Variants in GNPTG observed in about 807,000 individuals in gnomAD.
GNPTG encodes the protein N-acetylglucosamine-1-phosphate transferase subunit gamma.
GNPTG carries 46 observed loss-of-function variants against 43.8 expected under a neutral mutation model. The observed-to-expected ratio is 1.05, with a 90% confidence interval of 0.83 to 1.34. The LOEUF (loss-of-function observed/expected upper bound fraction) is 1.34. Among genes scored for constraint, GNPTG ranks in the 40% most tolerant of loss-of-function variants. The pLI is 0.00. For synonymous variants in GNPTG, 250 were observed against 172.8 expected (o/e 1.45, Z -3.50); for missense variants, 549 against 411.3 (o/e 1.33, Z -2.90).
intron 3 of GNPTG, among the ~76,000 whole-genome samples, chr16:1,355,172 G>C (rs2034754684): frequency 6.6e-6 from 1 of 152,156 alleles, no homozygotes; most frequent in Non-Finnish European, 1.5e-5. Flanking sequence ...TGTGGGGTCG[G>C]GTGTGGATCG....
rs774003749 is a variant in GNPTG, at chr16:1,363,023, C to T, written c.850C>T (p.His284Tyr). The T allele has an allele frequency of 7.4e-6, 12 of 1,613,958 alleles. 1 individual carries two copies. The South Asian group carries it at 1.2e-4, about 16-fold the overall frequency. The change falls in exon 11 of 11, where the codon CAC (histidine) becomes TAC (tyrosine). Residue 284 changes from histidine to tyrosine, a missense_variant. His to Tyr is a moderately conservative substitution (Grantham distance 83). Coordinates refer to ENST00000204679, the MANE Select transcript of GNPTG (RefSeq NM_032520.5). ...AACTTCCAACTTGGAGCACTTGGGC[C>T]ACGAGACGCCCAGAGCCAAGTCTCC... ...TETSNLEHLG[H>Y]ETPRAKSPEQ... is the part of the protein sequence containing the mutation.
Position 1,356,739 on chromosome 16 carries a change from G to A in GNPTG, c.178+4433G>A, listed in dbSNP as rs1264229723. ...AGACGGATGGCCCTGCAGGTGCAGA[G>A]CTAAGCCCGGCGCCCACGCCCCTCC... On this transcript the variant is annotated intron_variant, in intron 3 of 10. Transcript: ENST00000204679. 2.0e-5 allele frequency among the ~76,000 whole-genome samples: 3 copies of A among 152,222 alleles called. 1 individual carries two copies. The highest frequency in any genetic ancestry group is 7.2e-5 in the African/African-American group (3 of 41,460).
At chr16:1,356,205 G>A (rs2034771948) in intron 3 of GNPTG, among the ~76,000 whole-genome samples, 1 of 152,192 alleles carries the variant, frequency 6.6e-6, no homozygotes, top group South Asian at 2.1e-4. Context: ...GCCTTGAGCT[G>A]TGGCCTCGGG....
rs773159644 is a variant in GNPTG, at chr16:1,362,460, A to G, written c.535A>G (p.Thr179Ala). ...CHPHALLVYP[T>A]LPEALQRQWD... Reference sequence around the variant, plus strand: ...TTCTCTTGGGTCCTCAGTGTACCCAACCCTGCCAGAGGCCCTGCAGCGGCA... The same window carrying G: ...TTCTCTTGGGTCCTCAGTGTACCCAGCCCTGCCAGAGGCCCTGCAGCGGCA... The change falls in exon 8 of 11, where the codon ACC (threonine) becomes GCC (alanine). Residue 179 changes from threonine to alanine, a missense_variant. Physicochemically the swap from Thr to Ala is moderately conservative, Grantham distance 58 (BLOSUM62 0). Transcript: ENST00000204679. 2 of 1,613,792 alleles carry G rather than the reference A, an allele frequency of 1.2e-6. No individual in the cohort carries two copies. The highest frequency in any genetic ancestry group is 8.5e-7 in the Non-Finnish European group (1 of 1,179,940).
At chr16:1,356,150 C>T (rs2034770498) in intron 3 of GNPTG, among the ~76,000 whole-genome samples, 1 of 152,096 alleles carries the variant, frequency 6.6e-6, no homozygotes, top group African/African-American at 2.4e-5. Flanking sequence ...CGAAGCCTGA[C>T]CGGGGCAGAG....
At position 1,351,946 on chromosome 16, in the gene GNPTG, G is replaced by C. The variant is rs1333616454; in HGVS notation, c.-20G>C. The C allele has an allele frequency of 2.3e-6, 3 of 1,279,102 alleles. No homozygotes were observed. Among genetic ancestry groups the C allele is most frequent in the Non-Finnish European group, 2.9e-6 (3 of 1,019,572 alleles). The allele number at this position is 1,279,102 out of a possible 1,614,324, so 79.2% of individuals were successfully genotyped here. ...CGTGACCGTCACTTCACGTGACCGC[G>C]CGGCGGCCGCTGCGGCGCGATGGCG... On this transcript the variant is annotated 5_prime_UTR_variant, in exon 1 of 11. Transcript: ENST00000204679.
intron 3 of GNPTG, among the ~76,000 whole-genome samples, chr16:1,359,891 C>G (rs1036402832): frequency 6.6e-6 from 1 of 151,856 alleles, no homozygotes; most frequent in African/African-American, 2.4e-5. Context: ...AGGTGGATCA[C>G]CTGAGGTCAG....
chr16:1,354,025 A>G (rs903814176), intron 3 of GNPTG, among the ~76,000 whole-genome samples: 2 of 152,168 alleles, frequency 1.3e-5, no homozygotes, highest in South Asian at 2.1e-4. Context: ...CTTTGACTCC[A>G]AACACATCTT....
At chr16:1,356,511 G>A (rs991315722) in intron 3 of GNPTG, among the ~76,000 whole-genome samples, 6 of 152,318 alleles carry the variant, frequency 3.9e-5, no homozygotes, top group Admixed American at 2.0e-4. Context: ...GGGAGGGGCC[G>A]TGGCCGGGGT....
chr16:1,362,002 C>T, intron 5 of GNPTG, 36 bp from the exon 6 acceptor site: 4 of 1,612,852 alleles, frequency 2.5e-6, no homozygotes, highest in Admixed American at 1.7e-5. Flanking sequence ...CGCAGCTCCC[C>T]ACCCGGCCTC....
chr16:1,360,257 GCT>G (rs1190088314), intron 3 of GNPTG, among the ~76,000 whole-genome samples: 1 of 152,176 alleles, frequency 6.6e-6, no homozygotes, highest in Admixed American at 6.5e-5. Context: ...AGCCACTTCA[GCT>G]CTCTTTTGCC....
intron 3 of GNPTG, among the ~76,000 whole-genome samples, chr16:1,352,865 G>A (rs1200443704): frequency 1.3e-5 from 2 of 151,824 alleles, no homozygotes; most frequent in Admixed American, 6.6e-5. Flanking sequence ...CAGGTGAGCG[G>A]TTTCCCAGTG....
At position 1,361,675 on chromosome 16, in the gene GNPTG, G is replaced by A. The variant is rs549870714; in HGVS notation, c.179-68G>A. On this transcript the variant is annotated intron_variant, in intron 3 of 10. Coordinates refer to ENST00000204679, the MANE Select transcript of GNPTG (RefSeq NM_032520.5). ...AAAGAAAACTGGTCCTTTGAAAACAGACTCTGCCAGTCTTTGCAGACAGGT... is the reference window on the plus strand; with the variant it reads ...AAAGAAAACTGGTCCTTTGAAAACAAACTCTGCCAGTCTTTGCAGACAGGT... 2.0e-4 allele frequency: 304 copies of A among 1,552,206 alleles called. 1 individual carries two copies. The highest frequency in any genetic ancestry group is 3.0e-5 in the Non-Finnish European group (34 of 1,125,168).
chr16:1,361,594 A>G (rs1386310809), intron 3 of GNPTG, 149 bp from the exon 4 acceptor site: 25 of 784,216 alleles, frequency 3.2e-5, no homozygotes, highest in Non-Finnish European at 4.7e-5. Flanking sequence ...AAGTGAGCCA[A>G]GATCATGCCA....
At position 1,363,400 on chromosome 16, in the gene GNPTG, C is replaced by T; in HGVS notation, c.*309C>T. On this transcript the variant is annotated 3_prime_UTR_variant, in exon 11 of 11. Coordinates refer to ENST00000204679, the MANE Select transcript of GNPTG (RefSeq NM_032520.5). ...TTCAAATAACATTCTCATGTAAATA[C>T]TCAAACATACAGATTGAGGCTTCCA... The T allele has an allele frequency of 2.6e-6, 1 of 391,218 alleles. No homozygotes were observed. Among genetic ancestry groups the T allele is most frequent in the East Asian group, 6.0e-5 (1 of 16,806 alleles). 24.2% of individuals were successfully genotyped at this position (391,218 alleles called of 1,614,324 possible).
At position 1,355,188 on chromosome 16, in the gene GNPTG, C is replaced by T. The variant is rs549727018; in HGVS notation, c.178+2882C>T. Among the ~76,000 whole-genome samples, 14 of 151,578 alleles carry T rather than the reference C, an allele frequency of 9.2e-5. No individual in the cohort carries two copies. The South Asian group carries it at 2.5e-3, about 27-fold the overall frequency. On this transcript the variant is annotated intron_variant, in intron 3 of 10. Transcript: ENST00000204679. ...GTGGGGTCGGGTGTGGATCGTCTCC[C>T]GCGTCTGTGGGGTCGGGTGTGGATC...
chr16:1,353,877 G>C (rs2141634934), intron 3 of GNPTG, among the ~76,000 whole-genome samples: 1 of 152,312 alleles, frequency 6.6e-6, no homozygotes, highest in South Asian at 2.1e-4. Context: ...GGCTATTTGG[G>C]GAAAGGGATC....
At position 1,362,933 on chromosome 16, in the gene GNPTG, G is replaced by C. The variant is rs765659201; in HGVS notation, c.823+27G>C. The C allele has an allele frequency of 2.5e-6, 4 of 1,613,762 alleles. No homozygotes were observed. The African/African-American group carries it at 4.0e-5, about 16-fold the overall frequency. On this transcript the variant is annotated intron_variant, in intron 10 of 10. Transcript: ENST00000204679. ...TGAGTCACCTGTGGGGAGAGGGCCA[G>C]GCTCACCATCACACTCGCCACCTGT...
chr16:1,359,519 C>T (rs763286862), intron 3 of GNPTG, among the ~76,000 whole-genome samples: 3 of 152,164 alleles, frequency 2.0e-5, no homozygotes, highest in Non-Finnish European at 2.9e-5. Flanking sequence ...CCGTCTGCCT[C>T]GGCCTCCCAA....
Sources: allele counts gnomAD v4.1 joint callset (sites outside exome capture counted in the v4.1 genomes callset), GRCh38; gene constraint gnomAD v4.1.1; transcripts MANE v1.5; gene names NCBI Gene and HGNC (gene_info 2026-07-23, HGNC 2026-07-21).